Variants in DCC observed in about 807,000 individuals in gnomAD.
The protein encoded by DCC is netrin receptor DCC.
Under a neutral mutation model 172.5 loss-of-function variants are expected in DCC, and 58 were observed. The ratio of observed to expected loss-of-function variants is 0.34; its 90% confidence interval spans 0.27 to 0.42. The LOEUF (loss-of-function observed/expected upper bound fraction) is 0.42. DCC is among the 10% of genes least tolerant of loss of function. DCC has a pLI of 1.00. For missense variants in DCC, 1,740 were observed against 1,791.0 expected (o/e 0.97, Z 0.51); for synonymous variants, 709 against 644.5 (o/e 1.10, Z -1.52).
At chr18:53,333,576 A>T (rs1367385888) in intron 14 of DCC, among the ~76,000 whole-genome samples, 1 of 152,198 alleles carries the variant, frequency 6.6e-6, no homozygotes, top group Non-Finnish European at 1.5e-5. Context: ...TCCAGTGTAG[A>T]GTAGATGGCT....
intron 5 of DCC, among the ~76,000 whole-genome samples, chr18:53,060,281 A>G (rs2042475157): frequency 6.6e-6 from 1 of 151,932 alleles, no homozygotes; most frequent in Admixed American, 6.6e-5. Flanking sequence ...GGATCTGCCC[A>G]CCTCTGCTTC....
At chr18:53,212,121 C>G (rs8099278) in intron 11 of DCC, among the ~76,000 whole-genome samples, 131,669 of 152,086 alleles carry the variant, frequency 0.87, 57,223 homozygotes, top group Admixed American at 0.92. Flanking sequence ...GGGAGGAATT[C>G]AAGTGCCTGT....
intron 27 of DCC, among the ~76,000 whole-genome samples, chr18:53,511,339 G>A (rs2144532456): frequency 6.6e-6 from 1 of 152,324 alleles, no homozygotes; most frequent in Middle Eastern, 3.4e-3. Flanking sequence ...TATTCGACCT[G>A]CTAGCTGTAA....
intron 5 of DCC, among the ~76,000 whole-genome samples, chr18:52,937,271 G>T (rs1309954060): frequency 1.3e-5 from 2 of 152,114 alleles, no homozygotes; most frequent in Non-Finnish European, 1.5e-5. Flanking sequence ...TGACTCAGAA[G>T]AAGATAGCAG....
chr18:53,475,981 A>G (rs2045757382), intron 25 of DCC, among the ~76,000 whole-genome samples: 1 of 152,202 alleles, frequency 6.6e-6, no homozygotes. Flanking sequence ...TGAATGTGAG[A>G]CATGGAATCA....
chr18:52,347,260 T>C (rs1189425046), intron 1 of DCC, among the ~76,000 whole-genome samples: 2 of 152,196 alleles, frequency 1.3e-5, no homozygotes, highest in Non-Finnish European at 2.9e-5. Flanking sequence ...AATATAAATG[T>C]TTTTAACTCA....
intron 7 of DCC, among the ~76,000 whole-genome samples, chr18:53,124,699 C>A (rs930780402): frequency 6.6e-6 from 1 of 152,062 alleles, no homozygotes; most frequent in African/African-American, 2.4e-5. Flanking sequence ...CTGGGCCAGG[C>A]TCATTCCTGT....
At chr18:53,278,315 C>G (rs754517362) in intron 12 of DCC, among the ~76,000 whole-genome samples, 1 of 152,020 alleles carries the variant, frequency 6.6e-6, no homozygotes, top group Non-Finnish European at 1.5e-5. Flanking sequence ...TATTTTCTTT[C>G]AGATTGGAAA....
Position 53,366,509 on chromosome 18 carries a change from A to C in DCC, c.2360-19534A>C, listed in dbSNP as rs2058006449. ...AAATAAAGAAATGGCCCATGACTTC[A>C]TTGTGAATAAGGACACTCATTTCTC... On this transcript the variant is annotated intron_variant, in intron 15 of 28. Transcript: ENST00000442544. 1.3e-5 allele frequency among the ~76,000 whole-genome samples: 2 copies of C among 152,170 alleles called. 1 individual carries two copies. Among genetic ancestry groups the C allele is most frequent in the South Asian group, 4.1e-4 (2 of 4,832 alleles).
At chr18:53,139,993 C>T (rs1184398384) in intron 7 of DCC, among the ~76,000 whole-genome samples, 1 of 152,094 alleles carries the variant, frequency 6.6e-6, no homozygotes, top group Non-Finnish European at 1.5e-5. Context: ...TGGAACAGTG[C>T]CTGATACATG....
In DCC at chr18:53,473,930, G is replaced by A. The variant is rs528251961; in HGVS notation, c.3736+5920G>A. Among the ~76,000 whole-genome samples the A allele has an allele frequency of 1.1e-4, 17 of 152,186 alleles. No homozygotes were observed. The South Asian group carries it at 2.5e-3, about 22-fold the overall frequency. On this transcript the variant is annotated intron_variant, in intron 25 of 28. Transcript: ENST00000442544. Reference sequence around the variant, plus strand: ...ATATTGCTTCATACTGTTATCTTGAGCTCTGAGTTTTTGTAGGCCTAAAAT... The same window carrying A: ...ATATTGCTTCATACTGTTATCTTGAACTCTGAGTTTTTGTAGGCCTAAAAT...
intron 5 of DCC, among the ~76,000 whole-genome samples, chr18:52,940,654 T>A (rs978881923): frequency 6.6e-6 from 1 of 152,196 alleles, no homozygotes; most frequent in Admixed American, 6.5e-5. Flanking sequence ...AAATTTCAGC[T>A]GTGGAAAGTG....
intron 23 of DCC, among the ~76,000 whole-genome samples, chr18:53,451,561 T>C (rs2145151227): frequency 6.6e-6 from 1 of 152,320 alleles, no homozygotes; most frequent in South Asian, 2.1e-4. Flanking sequence ...TTTTAGGTTT[T>C]TCCATTGGCC....
At chr18:52,962,437 T>C (rs980216343) in intron 5 of DCC, among the ~76,000 whole-genome samples, 12 of 149,572 alleles carry the variant, frequency 8.0e-5, no homozygotes, top group Admixed American at 5.3e-4. Flanking sequence ...ATGGCAATCA[T>C]TAAAAAGTCA....
chr18:52,542,244 T>C (rs1598900282), intron 1 of DCC, among the ~76,000 whole-genome samples: 1 of 151,932 alleles, frequency 6.6e-6, no homozygotes, highest in Non-Finnish European at 1.5e-5. Flanking sequence ...TTTAATTCAA[T>C]AGTAGCCACT....
At chr18:52,905,423 C>T (rs943785551) in intron 2 of DCC, among the ~76,000 whole-genome samples, 1 of 152,082 alleles carries the variant, frequency 6.6e-6, no homozygotes, top group Non-Finnish European at 1.5e-5. Flanking sequence ...ATCCTAATTC[C>T]AGCTTTTAAA....
At chr18:52,925,551 G>A (rs1278006967) in intron 5 of DCC, among the ~76,000 whole-genome samples, 181 bp downstream of exon 5, 2 of 151,924 alleles carry the variant, frequency 1.3e-5, no homozygotes, top group Non-Finnish European at 2.9e-5. Flanking sequence ...TGCAATGTTT[G>A]AATACTTATT....
rs1181317043 is a variant in DCC, at chr18:53,050,316, A to AT, written c.986-12983dup. On this transcript the variant is annotated intron_variant, in intron 5 of 28. Coordinates refer to ENST00000442544, the MANE Select transcript of DCC (RefSeq NM_005215.4). ...ACACCCAGATACACCCGGAAACAAT[A>AT]TTTTTTGCATCCTTCAATCCAATCA... 4.6e-5 allele frequency among the ~76,000 whole-genome samples: 7 copies of AT among 151,696 alleles called. No homozygotes were observed. In the East Asian group the frequency reaches 5.8e-4, roughly 13 times the overall value.
chr18:52,504,132 G>A (rs1325853508), intron 1 of DCC, among the ~76,000 whole-genome samples: 3 of 152,120 alleles, frequency 2.0e-5, no homozygotes, highest in Non-Finnish European at 4.4e-5. Flanking sequence ...GTTCAAAGAG[G>A]ATGCGTTGGG....
Sources: gnomAD v4.1 joint callset for allele counts (sites outside exome capture counted in the v4.1 genomes callset) on GRCh38, gnomAD v4.1.1 for gene constraint, MANE v1.5 for transcripts, NCBI Gene and HGNC (gene_info 2026-07-23, HGNC 2026-07-21) for gene names.